LPP: variants seen among roughly 807,000 people sequenced by gnomAD.
LPP encodes the protein LIM domain containing preferred translocation partner in lipoma, also known as lipoma-preferred partner.
Under a neutral mutation model 60.4 loss-of-function variants are expected in LPP, and 38 were observed. That is an observed-to-expected ratio of 0.63 (90% confidence interval 0.49 to 0.83). The LOEUF (loss-of-function observed/expected upper bound fraction) is 0.83. Among genes scored for constraint, LPP ranks in the 40% least tolerant of loss-of-function variants. LPP has a pLI of 0.00. For missense variants in LPP, 902 were observed against 783.6 expected (o/e 1.15, Z -1.80); for synonymous variants, 328 against 290.8 (o/e 1.13, Z -1.30).
At chr3:188,721,275 G>T (rs959218823) in intron 8 of LPP, among the ~76,000 whole-genome samples, 12 of 151,982 alleles carry the variant, frequency 7.9e-5, no homozygotes, top group Admixed American at 1.3e-4. Flanking sequence ...AATACGGCTG[G>T]AATTACAGAT....
intron 7 of LPP, among the ~76,000 whole-genome samples, chr3:188,670,106 G>T (rs1330390245): frequency 6.6e-6 from 1 of 152,174 alleles, no homozygotes; most frequent in Non-Finnish European, 1.5e-5. Context: ...CCTGTTGGGG[G>T]TTGGGGAGAG....
At chr3:188,384,354 G>GTGTGTA (rs1777654261) in intron 3 of LPP, among the ~76,000 whole-genome samples, 2 of 151,576 alleles carry the variant, frequency 1.3e-5, no homozygotes, top group African/African-American at 2.4e-5. Flanking sequence ...GTGTGTGTGT[G>GTGTGTA]TATAGATCTA....
chr3:188,275,723 T>A (rs1739415398), intron 2 of LPP, among the ~76,000 whole-genome samples: 1 of 152,036 alleles, frequency 6.6e-6, no homozygotes, highest in Non-Finnish European at 1.5e-5. Flanking sequence ...TTGCCCAGAC[T>A]GGAGTGCAAT....
intron 2 of LPP, among the ~76,000 whole-genome samples, chr3:188,256,655 T>G (rs1231281443): frequency 6.6e-6 from 1 of 152,180 alleles, no homozygotes; most frequent in Non-Finnish European, 1.5e-5. Context: ...AAATTACGTA[T>G]AGCAACATCA....
intron 6 of LPP, among the ~76,000 whole-genome samples, chr3:188,557,096 T>C (rs984618380): frequency 5.9e-5 from 9 of 152,052 alleles, no homozygotes; most frequent in African/African-American, 1.9e-4. Context: ...CTTCCCTCCC[T>C]TTCTATTTCT....
intron 6 of LPP, among the ~76,000 whole-genome samples, chr3:188,564,960 G>A (rs1224061048): frequency 6.6e-6 from 1 of 151,848 alleles, no homozygotes; most frequent in African/African-American, 2.4e-5. Flanking sequence ...CTCATCCTAC[G>A]CCGTGTGTCT....
At chr3:188,689,056 C>T (rs906897113) in intron 7 of LPP, among the ~76,000 whole-genome samples, 1 of 152,218 alleles carries the variant, frequency 6.6e-6, no homozygotes, top group African/African-American at 2.4e-5. Flanking sequence ...TCTGTGTATG[C>T]TATTTCCTCC....
intron 4 of LPP, among the ~76,000 whole-genome samples, chr3:188,461,375 G>A (rs1055170848): frequency 6.6e-6 from 1 of 152,120 alleles, no homozygotes; most frequent in African/African-American, 2.4e-5. Context: ...AAAGAAAATA[G>A]AAGCCATGTT....
At position 188,609,488 on chromosome 3, in the gene LPP, A is replaced by G. The variant is rs1307578797; in HGVS notation, c.757A>G (p.Thr253Ala). ...TGGCTCAGGGCCCCAGGGCTATAAC[A>G]CTCAGCCAGTTCCTGTCTCTGGGCA... ...IYGSGPQGYN[T>A]QPVPVSGQCP... The change falls in exon 7 of 12, where the codon ACT (threonine) becomes GCT (alanine). Residue 253 changes from threonine (T) to alanine (A), a missense_variant. By Grantham distance (58) the Thr-to-Ala change is moderately conservative (BLOSUM62 0). Transcript: ENST00000617246. This position sits in a 1 kb window ranked among gnomAD's most constrained non-coding sequence, Gnocchi z 6.9. 1 of 1,613,976 alleles carries G rather than the reference A, an allele frequency of 6.2e-7. No individual in the cohort carries two copies. The highest frequency in any genetic ancestry group is 1.7e-5 in the Admixed American group (1 of 59,992).
intron 4 of LPP, among the ~76,000 whole-genome samples, chr3:188,455,366 C>T (rs1472187561): frequency 6.6e-6 from 1 of 152,106 alleles, no homozygotes. Flanking sequence ...ATAGAATATG[C>T]GCACACCCAG....
At chr3:188,464,377 C>T (rs977759800) in intron 4 of LPP, among the ~76,000 whole-genome samples, 8 of 152,170 alleles carry the variant, frequency 5.3e-5, no homozygotes, top group Admixed American at 2.6e-4. Flanking sequence ...AAAAATTAGT[C>T]TCTCAGCCAC....
chr3:188,305,099 T>C (rs544659803), intron 2 of LPP, among the ~76,000 whole-genome samples: 1 of 152,352 alleles, frequency 6.6e-6, no homozygotes, highest in East Asian at 1.9e-4. Context: ...ATTATGGTTA[T>C]ATATGTGCTT....
intron 8 of LPP, among the ~76,000 whole-genome samples, chr3:188,753,960 T>G (rs1577353833): frequency 6.6e-6 from 1 of 152,254 alleles, no homozygotes; most frequent in African/African-American, 2.4e-5. Context: ...TAAGATATGA[T>G]AAAAACTCTT....
chr3:188,799,559 CT>C (rs1186633491), intron 9 of LPP, among the ~76,000 whole-genome samples: 2 of 152,136 alleles, frequency 1.3e-5, no homozygotes, highest in East Asian at 3.8e-4. Flanking sequence ...GTTACTAAAT[CT>C]TTTTTTATTG....
intron 8 of LPP, among the ~76,000 whole-genome samples, chr3:188,719,314 C>A (rs1715379677): frequency 6.6e-6 from 1 of 152,132 alleles, no homozygotes; most frequent in African/African-American, 2.4e-5. Flanking sequence ...AAGAAACATT[C>A]TTTTCTTACG....
At chr3:188,169,630 C>T (rs559600009) in intron 1 of LPP, among the ~76,000 whole-genome samples, 15 of 152,260 alleles carry the variant, frequency 9.9e-5, no homozygotes, top group Admixed American at 2.0e-4. Flanking sequence ...CTTTAATAAA[C>T]GAATGCGCAT....
At chr3:188,349,597 A>G (rs1348048799) in intron 3 of LPP, among the ~76,000 whole-genome samples, 4 of 152,376 alleles carry the variant, frequency 2.6e-5, no homozygotes, top group African/African-American at 9.6e-5. Flanking sequence ...CTGGCTGAGT[A>G]TAAACTCGGT....
intron 3 of LPP, among the ~76,000 whole-genome samples, chr3:188,346,203 T>TTATTTGA (rs932200113): frequency 6.6e-6 from 1 of 152,012 alleles, no homozygotes; most frequent in Non-Finnish European, 1.5e-5. Flanking sequence ...TTTTTCTCTT[T>TTATTTGA]TATTTGACAG....
chr3:188,230,481 G>T (rs1191410480), intron 2 of LPP, among the ~76,000 whole-genome samples: 2 of 152,136 alleles, frequency 1.3e-5, no homozygotes, highest in Non-Finnish European at 2.9e-5. Context: ...TGGATGAAGA[G>T]TTGGGAGAAA....
Sources: allele counts gnomAD v4.1 joint callset (sites outside exome capture counted in the v4.1 genomes callset), GRCh38; gene constraint gnomAD v4.1.1; non-coding constraint Gnocchi (gnomAD v3.1); transcripts MANE v1.5; gene names NCBI Gene and HGNC (gene_info 2026-07-23, HGNC 2026-07-21).